LEF1: variants seen among roughly 807,000 people sequenced by gnomAD.
LEF1 encodes lymphoid enhancer binding factor 1.
LEF1 carries 14 observed loss-of-function variants against 51.2 expected under a neutral mutation model. The ratio of observed to expected loss-of-function variants is 0.27; its 90% CI spans 0.18 to 0.43. The LOEUF is 0.43. Among genes scored for constraint, LEF1 ranks in the 20% least tolerant of loss-of-function variants. The probability of loss-of-function intolerance (pLI) is 1.00; values close to 1 mark genes in which losing one functional copy is unlikely to be tolerated. For synonymous variants in LEF1, 185 were observed against 183.2 expected (o/e 1.01, Z -0.08); for missense variants, 386 against 512.0 (o/e 0.75, Z 2.37).
At chr4:108,135,526 C>T (rs1436371778) in intron 3 of LEF1, among the ~76,000 whole-genome samples, 2 of 152,072 alleles carry the variant, frequency 1.3e-5, no homozygotes, top group African/African-American at 2.4e-5. Flanking sequence ...CTCAGGATGG[C>T]GAGAGTGAAG....
chr4:108,065,470 A>G (rs1738006012), intron 9 of LEF1, among the ~76,000 whole-genome samples: 1 of 152,188 alleles, frequency 6.6e-6, no homozygotes, highest in East Asian at 1.9e-4. Context: ...AGCCTGGGCC[A>G]CAGAGTGAGA....
chr4:108,099,643 C>T (rs1406612440), intron 3 of LEF1, among the ~76,000 whole-genome samples: 2 of 123,878 alleles, frequency 1.6e-5, no homozygotes, highest in African/African-American at 3.0e-5. Flanking sequence ...TTATGGGGTA[C>T]GTGTGCAGAA....
intron 4 of LEF1, among the ~76,000 whole-genome samples, chr4:108,086,224 C>T (rs1739636510): frequency 6.6e-6 from 1 of 152,088 alleles, no homozygotes; most frequent in Admixed American, 6.6e-5. Flanking sequence ...AGACACATTT[C>T]ACATCATTTT....
At chr4:108,141,125 CAA>C (rs2110372163) in intron 3 of LEF1, among the ~76,000 whole-genome samples, 1 of 152,238 alleles carries the variant, frequency 6.6e-6, no homozygotes, top group Non-Finnish European at 1.5e-5. Flanking sequence ...TGTAATAAAC[CAA>C]AGTTAAATTC....
chr4:108,131,619 G>C (rs990080631), intron 3 of LEF1, among the ~76,000 whole-genome samples: 1 of 152,110 alleles, frequency 6.6e-6, no homozygotes, highest in Non-Finnish European at 1.5e-5. Context: ...CCCACCAAAT[G>C]CCTGTGTTTT....
intron 3 of LEF1, among the ~76,000 whole-genome samples, chr4:108,115,062 C>G (rs1463971730): frequency 6.6e-6 from 1 of 152,208 alleles, no homozygotes; most frequent in Non-Finnish European, 1.5e-5. Context: ...TTTAAAGAAG[C>G]AATTTATAAT....
chr4:108,162,670 T>C (rs1382125685), intron 3 of LEF1, among the ~76,000 whole-genome samples: 2 of 151,756 alleles, frequency 1.3e-5, no homozygotes, highest in African/African-American at 2.4e-5. Flanking sequence ...CCCATAGACA[T>C]GTGTTTTTCA....
intron 9 of LEF1, among the ~76,000 whole-genome samples, chr4:108,064,848 C>T (rs1331464830): frequency 2.0e-5 from 3 of 152,060 alleles, no homozygotes; most frequent in Non-Finnish European, 2.9e-5. Flanking sequence ...AACCAACATA[C>T]TTAGAACCCA....
intron 8 of LEF1, among the ~76,000 whole-genome samples, chr4:108,077,277 T>G (rs887268964): frequency 6.6e-5 from 10 of 151,948 alleles, no homozygotes; most frequent in Non-Finnish European, 4.4e-5. Context: ...GAGGAGTGCC[T>G]CTGCCTGGCC....
At chr4:108,165,689 G>A (rs756242972) in intron 1 of LEF1, among the ~76,000 whole-genome samples, 7 of 152,212 alleles carry the variant, frequency 4.6e-5, no homozygotes, top group Non-Finnish European at 8.8e-5. Flanking sequence ...AGCTCCACTC[G>A]AGCTTATAAC....
At chr4:108,071,373 C>T (rs1163539946) in intron 8 of LEF1, among the ~76,000 whole-genome samples, 3 of 152,162 alleles carry the variant, frequency 2.0e-5, no homozygotes, top group Admixed American at 1.3e-4. Context: ...AGGGACAACA[C>T]TGATGACACT....
chr4:108,061,529 C>T (rs1227091987), intron 11 of LEF1, among the ~76,000 whole-genome samples: 3 of 152,008 alleles, frequency 2.0e-5, no homozygotes, highest in Non-Finnish European at 4.4e-5. Context: ...TGAGGTAAAT[C>T]GAGTGCCAGC....
At chr4:108,066,235 A>C (rs1738070789) in intron 9 of LEF1, among the ~76,000 whole-genome samples, 1 of 152,324 alleles carries the variant, frequency 6.6e-6, no homozygotes, top group Non-Finnish European at 1.5e-5. Context: ...TCAAGTATCC[A>C]CAACGGTCCT....
At chr4:108,108,463 T>C (rs1208184702) in intron 3 of LEF1, among the ~76,000 whole-genome samples, 1 of 152,134 alleles carries the variant, frequency 6.6e-6, no homozygotes, top group Non-Finnish European at 1.5e-5. Flanking sequence ...CTGGACTTGA[T>C]TTTTCCTATC....
chr4:108,058,825 C>A (rs1387946779), intron 11 of LEF1, among the ~76,000 whole-genome samples: 3 of 152,184 alleles, frequency 2.0e-5, no homozygotes, highest in Non-Finnish European at 4.4e-5. Context: ...TCGTGACTTA[C>A]AGCAGTCCTC....
intron 11 of LEF1, among the ~76,000 whole-genome samples, chr4:108,063,294 G>A (rs1358989686): frequency 6.6e-6 from 1 of 152,060 alleles, no homozygotes; most frequent in African/African-American, 2.4e-5. Context: ...TTTGCTTACT[G>A]TTTGTTGTTG....
At chr4:108,063,559 C>T in intron 11 of LEF1, 64 bp downstream of exon 11, 1 of 1,272,100 alleles carries the variant, frequency 7.9e-7, no homozygotes, top group Non-Finnish European at 1.1e-6. Flanking sequence ...CAAGAAGATT[C>T]ACAAGCAAGT....
rs756120040 is a variant in LEF1, at chr4:108,078,491, G to T, written c.846-109C>A. On this transcript the variant is annotated intron_variant, in intron 7 of 11. Transcript: ENST00000265165. ...CTCACATGGCTACACTCAGGATGGCGACAACCCTCTCACCCCAGACCACCA... is the reference window on the plus strand; with the variant it reads ...CTCACATGGCTACACTCAGGATGGCTACAACCCTCTCACCCCAGACCACCA... 3 of 1,404,466 alleles carry T rather than the reference G, an allele frequency of 2.1e-6. No individual in the cohort carries two copies. In the African/African-American group the frequency reaches 4.2e-5, roughly 20 times the overall value. 87.0% of individuals were successfully genotyped at this position (1,404,466 alleles called of 1,614,324 possible). A position where few individuals can be genotyped will look rare whatever the true frequency, so the allele number is the denominator to read the frequency against.
chr4:108,087,721 G>T (rs1289035215), intron 4 of LEF1, among the ~76,000 whole-genome samples: 1 of 152,090 alleles, frequency 6.6e-6, no homozygotes, highest in Non-Finnish European at 1.5e-5. Flanking sequence ...AACTAAATAG[G>T]TTCCCAGATG....
Sources: gnomAD v4.1 joint callset for allele counts (sites outside exome capture counted in the v4.1 genomes callset) on GRCh38, gnomAD v4.1.1 for gene constraint, MANE v1.5 for transcripts, NCBI Gene and HGNC (gene_info 2026-07-23, HGNC 2026-07-21) for gene names.